Variants in MYOF observed in about 807,000 individuals in gnomAD.
MYOF encodes the protein myoferlin, also known as fer-1-like 3, myoferlin.
MYOF carries 244 observed loss-of-function variants against 284.2 expected under a neutral mutation model. The ratio of observed to expected loss-of-function variants is 0.86; its 90% CI spans 0.77 to 0.95. MYOF has a LOEUF of 0.95. MYOF is among the 40% of genes least tolerant of loss of function. The pLI, the probability that MYOF is intolerant of heterozygous loss-of-function variation, is 0.00. For missense variants in MYOF, 2,496 were observed against 2,560.6 expected, an observed-to-expected ratio of 0.97 and a Z score of 0.54; for synonymous variants, 904 against 919.7, an observed-to-expected ratio of 0.98 and a Z score of 0.31.
At position 93,387,874 on chromosome 10, in the gene MYOF, A is replaced by C. The variant is rs765429938; in HGVS notation, c.1621T>G (p.Leu541Val). 16 of 1,614,116 alleles carry C rather than the reference A, an allele frequency of 9.9e-6. No individual in the cohort carries two copies. The highest frequency in any genetic ancestry group is 1.4e-5 in the Non-Finnish European group (16 of 1,180,014). Reference protein sequence around the residue: ...VAYRGRILVELATFLEKTPPD... With the variant: ...VAYRGRILVEVATFLEKTPPD... Reference sequence around the variant, plus strand: ...GGTGTCTTCTCAAGAAAAGTGGCTAATTCAACCAAGATCCTGCCTCTGTAG... The same window carrying C: ...GGTGTCTTCTCAAGAAAAGTGGCTACTTCAACCAAGATCCTGCCTCTGTAG... Residue 541 changes from leucine to valine, a missense_variant, in exon 19 of 54, where the codon TTA becomes GTA. Coordinates refer to ENST00000359263, the MANE Select transcript of MYOF (RefSeq NM_013451.4).
At chr10:93,326,029 A>C (rs912090495) in intron 45 of MYOF, 64 bp from the exon 46 acceptor site, 1 of 1,601,186 alleles carries the variant, frequency 6.2e-7, no homozygotes, top group Non-Finnish European at 8.5e-7. Context: ...CAGATTGCCT[A>C]GAGCTGCTTC....
intron 1 of MYOF, among the ~76,000 whole-genome samples, chr10:93,476,073 T>A (rs1384045754): frequency 6.6e-6 from 1 of 152,094 alleles, no homozygotes; most frequent in Non-Finnish European, 1.5e-5. Context: ...ACAGTGGTTT[T>A]ATGGGAATAC....
chr10:93,360,726 T>A (rs1845028785), intron 28 of MYOF, among the ~76,000 whole-genome samples: 1 of 152,258 alleles, frequency 6.6e-6, no homozygotes, highest in Non-Finnish European at 1.5e-5. Flanking sequence ...GTAGTCTGCA[T>A]CATTGCTGCA....
intron 1 of MYOF, among the ~76,000 whole-genome samples, chr10:93,460,413 C>T (rs1201962615): frequency 6.6e-6 from 1 of 152,182 alleles, no homozygotes; most frequent in Non-Finnish European, 1.5e-5. Flanking sequence ...ATTAAGCATC[C>T]ACTGTGTGCC....
chr10:93,392,844 C>T (rs370366154), intron 17 of MYOF, 73 bp downstream of exon 17: 2 of 1,381,770 alleles, frequency 1.4e-6, no homozygotes, highest in Non-Finnish European at 2.0e-6. Context: ...GTTCTAAAGA[C>T]AGTCGATACA....
intron 19 of MYOF, among the ~76,000 whole-genome samples, chr10:93,383,008 G>T (rs915169601): frequency 2.6e-5 from 4 of 152,084 alleles, no homozygotes; most frequent in Non-Finnish European, 4.4e-5. Flanking sequence ...TGATTCTCCT[G>T]CCTCAGCCTC....
intron 19 of MYOF, among the ~76,000 whole-genome samples, chr10:93,386,367 G>A (rs573677547): frequency 1.8e-4 from 27 of 152,298 alleles, no homozygotes; most frequent in African/African-American, 5.8e-4. Flanking sequence ...GGAATAGAAA[G>A]ACTATGACCA....
rs188726301 is a variant in MYOF, at chr10:93,381,156, G to A, written c.1876+63C>T. On this transcript the variant is annotated intron_variant, in intron 20 of 53. Transcript: ENST00000359263. ...GTGCCAGAGGGAAGACACAGTGCTT[G>A]CTTCCGGTCCCGTGGTGCACCCATT... 739 of 1,543,730 alleles carry A rather than the reference G, an allele frequency of 4.8e-4. 4 individuals carry two copies. The East Asian group carries it at 0.012, about 26-fold the overall frequency.
At chr10:93,385,047 A>T (rs562710958) in intron 19 of MYOF, among the ~76,000 whole-genome samples, 1 of 152,328 alleles carries the variant, frequency 6.6e-6, no homozygotes, top group Admixed American at 6.5e-5. Context: ...GAGAGCTCTC[A>T]AGGAGATTGT....
At chr10:93,394,220 G>T (rs142037237) in intron 16 of MYOF, among the ~76,000 whole-genome samples, 6,013 of 151,972 alleles carry the variant, frequency 0.04, 402 homozygotes, top group African/African-American at 0.14. Flanking sequence ...TCCTGCCTCA[G>T]CCTCCTGAGT....
At chr10:93,353,020 C>G (rs574062396) in intron 32 of MYOF, among the ~76,000 whole-genome samples, 8 of 152,260 alleles carry the variant, frequency 5.3e-5, no homozygotes, top group Non-Finnish European at 1.0e-4. Flanking sequence ...CTTTAACAAA[C>G]TTTCCGTTTG....
chr10:93,389,219 A>G, intron 17 of MYOF, 65 bp from the exon 18 acceptor site: 1 of 1,511,902 alleles, frequency 6.6e-7, no homozygotes. Context: ...AATAAATATT[A>G]GTTATTAGTT....
In MYOF at chr10:93,351,502, T is replaced by C. The variant is rs772519052; in HGVS notation, c.3733A>G (p.Thr1245Ala). 2 of 1,614,204 alleles carry C rather than the reference T, an allele frequency of 1.2e-6. No individual in the cohort carries two copies. The highest frequency in any genetic ancestry group is 1.1e-5 in the South Asian group (1 of 91,078). The change falls in exon 34 of 54, where the codon ACA (threonine) becomes GCA (alanine). Residue 1245 changes from threonine to alanine, a missense_variant. Coordinates refer to ENST00000359263, the MANE Select transcript of MYOF (RefSeq NM_013451.4). The part of the protein sequence containing the change: ...VVKLNSEMDI[T>A]PKLLWHPVMN... ...ACTGGGTGCCAGAGAAGTTTGGGTG[T>C]GATGTCCATTTCTGAGTTCAGTTTC... is the stretch of plus-strand genomic sequence containing the variant.
intron 24 of MYOF, among the ~76,000 whole-genome samples, chr10:93,370,877 A>T (rs77987652): frequency 3.4e-5 from 5 of 148,750 alleles, no homozygotes; most frequent in Non-Finnish European, 7.4e-5. Context: ...TTTTTTTTTT[A>T]AACATAAACA....
At chr10:93,384,186 A>G (rs992146388) in intron 19 of MYOF, among the ~76,000 whole-genome samples, 1 of 152,188 alleles carries the variant, frequency 6.6e-6, no homozygotes, top group Admixed American at 6.5e-5. Context: ...GCTACCCTCG[A>G]TGATTCAGGC....
At chr10:93,467,444 T>G (rs1336405068) in intron 1 of MYOF, among the ~76,000 whole-genome samples, 1 of 150,940 alleles carries the variant, frequency 6.6e-6, no homozygotes, top group Non-Finnish European at 1.5e-5. Context: ...TGCGATAGTT[T>G]GCTGAGAATG....
intron 19 of MYOF, among the ~76,000 whole-genome samples, chr10:93,385,652 T>G (rs866208164): frequency 1.9e-4 from 29 of 152,210 alleles, no homozygotes; most frequent in African/African-American, 6.5e-4. Context: ...TCTCCTATTC[T>G]GTAACACTGT....
intron 1 of MYOF, among the ~76,000 whole-genome samples, chr10:93,478,860 G>GAAAGAAAGAAA (rs1421937106): frequency 1.7e-4 from 25 of 145,844 alleles, no homozygotes; most frequent in East Asian, 4.0e-4. Context: ...AAGAAAGAAA[G>GAAAGAAAGAAA]GGTTTGAACA....
intron 38 of MYOF, chr10:93,341,882 G>T: frequency 5.5e-6 from 7 of 1,284,378 alleles, no homozygotes; most frequent in Non-Finnish European, 7.1e-6. Context: ...ACAGTCCCAG[G>T]CAGCCTCATG....
Sources: allele counts gnomAD v4.1 joint callset (sites outside exome capture counted in the v4.1 genomes callset), GRCh38; gene constraint gnomAD v4.1.1; transcripts MANE v1.5; gene names NCBI Gene and HGNC (gene_info 2026-07-23, HGNC 2026-07-21).